The following PIGB variants were observed in gnomAD, a reference collection of about 807,000 sequenced individuals.
The protein encoded by PIGB is GPI alpha-1,2-mannosyltransferase 3.
Under a neutral mutation model 68.4 loss-of-function variants are expected in PIGB, and 58 were observed. The ratio of observed to expected loss-of-function variants is 0.85; its 90% CI spans 0.69 to 1.06. The LOEUF (loss-of-function observed/expected upper bound fraction) is 1.06. Among genes scored for constraint, PIGB ranks in the 50% least tolerant of loss-of-function variants. PIGB has a pLI of 0.00. For synonymous variants in PIGB, 219 were observed against 220.5 expected, an observed-to-expected ratio of 0.99 and a Z score of 0.06; for missense variants, 634 against 655.8, an observed-to-expected ratio of 0.97 and a Z score of 0.36.
Position 55,350,732 on chromosome 15 carries a change from A to T in PIGB, c.1157A>T (p.Lys386Ile). 6.2e-7 allele frequency: 1 copy of T among 1,613,682 alleles called. No individual in the cohort carries two copies. Residue 386 changes from lysine to isoleucine, a missense_variant, in exon 10 of 12, where the codon AAA becomes ATA. Lys to Ile is a moderately radical substitution (Grantham distance 102). Transcript: ENST00000164305. ...TTAACCCACCTGAAAACATGGAAGA[A>T]ACCAGCTCTAAGTTTCCTGTTTTTA... ...YSLTHLKTWK[K>I]PALSFLFLSN... is the part of the protein sequence containing the mutation.
At chr15:55,351,334 C>T (rs920915607) in intron 10 of PIGB, among the ~76,000 whole-genome samples, 1 of 151,882 alleles carries the variant, frequency 6.6e-6, no homozygotes, top group East Asian at 2.0e-4. Context: ...GTCTCGATCT[C>T]CTGACCTCGT....
At chr15:55,349,171 C>T (rs1433937617) in intron 9 of PIGB, among the ~76,000 whole-genome samples, 3 of 150,712 alleles carry the variant, frequency 2.0e-5, no homozygotes, top group African/African-American at 7.3e-5. Context: ...GTGTGAGCTA[C>T]CGCACCTGGC....
chr15:55,344,862 G>A (rs1433595085), intron 9 of PIGB, among the ~76,000 whole-genome samples: 1 of 150,690 alleles, frequency 6.6e-6, no homozygotes, highest in African/African-American at 2.4e-5. Flanking sequence ...CTCTCTTACT[G>A]GGCCACTTTG....
At chr15:55,325,700 A>G (rs759421817) in intron 3 of PIGB, among the ~76,000 whole-genome samples, 4 of 151,612 alleles carry the variant, frequency 2.6e-5, no homozygotes, top group Non-Finnish European at 5.9e-5. Context: ...GCAGATCACA[A>G]GGTCACGAGA....
chr15:55,327,811 C>T (rs747214824), intron 4 of PIGB, among the ~76,000 whole-genome samples, 176 bp downstream of exon 4: 42 of 152,188 alleles, frequency 2.8e-4, no homozygotes, highest in Admixed American at 2.6e-3. Context: ...ATCTTTCCTT[C>T]GGATTAAGCC....
intron 9 of PIGB, chr15:55,346,732 G>A (rs2055803713): frequency 6.6e-6 from 1 of 152,206 alleles, no homozygotes. Flanking sequence ...ATTTCAGTGA[G>A]AACTCCATCT....
At chr15:55,333,762 C>A in intron 5 of PIGB, 105 bp from the exon 6 acceptor site, 1 of 750,222 alleles carries the variant, frequency 1.3e-6, no homozygotes, top group Non-Finnish European at 2.0e-6. Context: ...AAAAAAAGTT[C>A]ATATAGCTAT....
chr15:55,354,481 T>C (rs894817644), intron 10 of PIGB: 2 of 235,680 alleles, frequency 8.5e-6, no homozygotes, highest in Non-Finnish European at 1.6e-5. Context: ...TGAGGACCAT[T>C]TATGTTTCCG....
At chr15:55,324,930 T>G in intron 3 of PIGB, 1 of 415,052 alleles carries the variant, frequency 2.4e-6, no homozygotes, top group Non-Finnish European at 3.2e-6. Context: ...TAGCATTTAT[T>G]TACACATTGT....
At chr15:55,338,397 G>C (rs2055585977) in intron 6 of PIGB, among the ~76,000 whole-genome samples, 1 of 152,196 alleles carries the variant, frequency 6.6e-6, no homozygotes, top group Non-Finnish European at 1.5e-5. Flanking sequence ...TGTAATCCCA[G>C]CATTTTGGGA....
rs758902434 is a variant in PIGB, at chr15:55,320,298, C to G, written c.187C>G (p.Leu63Val). The change falls in exon 2 of 12, where the codon CTG becomes GTG. Residue 63 changes from leucine to valine, a missense_variant. By Grantham distance (32) the Leu-to-Val change is conservative. Coordinates refer to ENST00000164305, the MANE Select transcript of PIGB (RefSeq NM_004855.5). Reference sequence around the variant, plus strand: ...AGATCTTCTTGGAGAAAATATTTATCTGCTCTTGTTTACCATAGCTTTACG... The same window carrying G: ...AGATCTTCTTGGAGAAAATATTTATGTGCTCTTGTTTACCATAGCTTTACG... ...RGDLLGENIY[L>V]LLFTIALRIL... The G allele has an allele frequency of 1.9e-6, 3 of 1,612,586 alleles. No homozygotes were observed. The highest frequency in any genetic ancestry group is 2.7e-5 in the African/African-American group (2 of 74,868).
Position 55,334,022 on chromosome 15 carries a change from A to G in PIGB, c.794+15A>G, listed in dbSNP as rs1390425934. ...TTACCTGTAGGGTAAGTGTGGCAAT[A>G]ATCCATCCATTTATTTTAGTAGCCT... On this transcript the variant is annotated intron_variant, in intron 6 of 11. Transcript: ENST00000164305. 6.5e-7 allele frequency: 1 copy of G among 1,539,906 alleles called. No individual in the cohort carries two copies. The highest frequency in any genetic ancestry group is 8.8e-7 in the Non-Finnish European group (1 of 1,140,798).
intron 4 of PIGB, among the ~76,000 whole-genome samples, chr15:55,328,635 G>A (rs1043073921): frequency 2.6e-5 from 4 of 152,124 alleles, no homozygotes; most frequent in African/African-American, 9.7e-5. Flanking sequence ...TAAAATGGTA[G>A]GCAAAAGTCA....
chr15:55,334,601 T>C lies in PIGB; in HGVS notation c.794+594T>C, dbSNP rs1566952219. 2.0e-5 allele frequency among the ~76,000 whole-genome samples: 3 copies of C among 152,244 alleles called. No homozygotes were observed. In the South Asian group the frequency reaches 6.2e-4, roughly 32 times the overall value. Reference sequence around the variant, plus strand: ...CTGACTCTTACAACAGTAATCTTTTTAATATACAATCATGCACCGCATAAT... The same window carrying C: ...CTGACTCTTACAACAGTAATCTTTTCAATATACAATCATGCACCGCATAAT... On this transcript the variant is annotated intron_variant, in intron 6 of 11. Coordinates refer to ENST00000164305, the MANE Select transcript of PIGB (RefSeq NM_004855.5).
chr15:55,339,537 T>C (rs1041944714), intron 7 of PIGB, among the ~76,000 whole-genome samples: 3 of 152,252 alleles, frequency 2.0e-5, no homozygotes, highest in Non-Finnish European at 2.9e-5. Context: ...CAGGGAATTA[T>C]TAAGTGAGCA....
chr15:55,327,661 G>A (rs752214176), intron 4 of PIGB, 26 bp downstream of exon 4: 2 of 1,344,884 alleles, frequency 1.5e-6, no homozygotes, highest in Non-Finnish European at 2.1e-6. Context: ...TTTAGAAGCT[G>A]TATGCCAGTT....
In PIGB at chr15:55,354,779, G is replaced by C; in HGVS notation, c.1338-19G>C. 1.3e-6 allele frequency: 2 copies of C among 1,570,514 alleles called. No individual in the cohort carries two copies. Among genetic ancestry groups the C allele is most frequent in the Non-Finnish European group, 1.7e-6 (2 of 1,162,360 alleles). On this transcript the variant is annotated intron_variant, in intron 10 of 11. Coordinates refer to ENST00000164305, the MANE Select transcript of PIGB (RefSeq NM_004855.5). ...TCATGTTTTACTTGTATTTATTATG[G>C]TAACTTTTCTTTTCATAGCCATGTT...
Position 55,340,647 on chromosome 15 carries a change from C to T in PIGB, c.882C>T (p.Asn294=), listed in dbSNP as rs781588106. The part of the protein sequence containing the change: ...TLVQFNFLKF[N]VLQNWGTFYG... The stretch of plus-strand genomic sequence containing the variant: ...TTCAATTTAATTTTTTGAAATTTAA[C>T]GTGCTGCAGAACTGGGGAACATTTT... The change falls in exon 8 of 12, where the codon AAC becomes AAT. Residue 294 remains asparagine (N), a synonymous_variant. Transcript: ENST00000164305. 2.9e-5 allele frequency: 47 copies of T among 1,612,092 alleles called. No homozygotes were observed. The highest frequency in any genetic ancestry group is 9.9e-5 in the South Asian group (9 of 90,670).
chr15:55,333,538 C>T (rs1448376847), intron 5 of PIGB, among the ~76,000 whole-genome samples: 3 of 152,172 alleles, frequency 2.0e-5, no homozygotes, highest in Non-Finnish European at 2.9e-5. Context: ...TGAGGCCAGC[C>T]TGGCCAACAA....
Sources: allele counts gnomAD v4.1 joint callset (sites outside exome capture counted in the v4.1 genomes callset), GRCh38; gene constraint gnomAD v4.1.1; transcripts MANE v1.5; gene names NCBI Gene and HGNC (gene_info 2026-07-23, HGNC 2026-07-21).